The following ST6GALNAC3 variants were observed in gnomAD, a reference collection of about 807,000 sequenced individuals.
The protein encoded by ST6GALNAC3 is ST6 N-acetylgalactosaminide alpha-2,6-sialyltransferase 3.
Under a neutral mutation model 32.7 loss-of-function variants are expected in ST6GALNAC3, and 25 were observed. The observed-to-expected ratio is 0.76, with a 90% CI of 0.56 to 1.07. The LOEUF (loss-of-function observed/expected upper bound fraction) is 1.07, where lower values mean the gene tolerates loss of function less well. Among genes scored for constraint, ST6GALNAC3 ranks in the 50% least tolerant of loss-of-function variants. ST6GALNAC3 has a pLI of 0.00. For synonymous variants in ST6GALNAC3, 129 were observed against 133.1 expected (o/e 0.97, Z 0.21); for missense variants, 355 against 382.4 (o/e 0.93, Z 0.60).
At position 76,445,109 on chromosome 1, in the gene ST6GALNAC3, T is replaced by A. The variant is rs78498093; in HGVS notation, c.623+32692T>A. On this transcript the variant is annotated intron_variant, in intron 3 of 4. Transcript: ENST00000328299. ...TTCCATTAACATTTGTCAGTAGTTT[T>A]ATGACTTTGTGACAACTTCAGAGAC... 5.9e-3 allele frequency among the ~76,000 whole-genome samples: 892 copies of A among 152,314 alleles called. 10 individuals carry two copies. Among genetic ancestry groups the A allele is most frequent in the African/African-American group, 0.021 (866 of 41,584 alleles).
intron 1 of ST6GALNAC3, among the ~76,000 whole-genome samples, chr1:76,251,929 T>G (rs1190790399): frequency 6.6e-6 from 1 of 152,170 alleles, no homozygotes; most frequent in African/African-American, 2.4e-5. Context: ...TTTGCTGAAC[T>G]AATTATGATT....
At chr1:76,560,110 G>A (rs1160778170) in intron 3 of ST6GALNAC3, among the ~76,000 whole-genome samples, 1 of 152,106 alleles carries the variant, frequency 6.6e-6, no homozygotes, top group East Asian at 1.9e-4. Context: ...AATAAATGAT[G>A]CTGGGAAAAC....
At chr1:76,154,413 C>A (rs988815910) in intron 1 of ST6GALNAC3, among the ~76,000 whole-genome samples, 10 of 152,172 alleles carry the variant, frequency 6.6e-5, no homozygotes, top group African/African-American at 2.2e-4. Context: ...TGTGTCTCAG[C>A]TTCTACTTTC....
intron 1 of ST6GALNAC3, among the ~76,000 whole-genome samples, chr1:76,184,519 G>GCGCGCGCACACACA (rs1335590722): frequency 3.0e-5 from 4 of 134,104 alleles, no homozygotes; most frequent in African/African-American, 1.2e-4. Flanking sequence ...CTCCTGGGCA[G>GCGCGCGCACACACA]CACACACACA....
At chr1:76,258,673 T>A (rs905824677) in intron 1 of ST6GALNAC3, among the ~76,000 whole-genome samples, 2 of 152,102 alleles carry the variant, frequency 1.3e-5, no homozygotes, top group Admixed American at 1.3e-4. Flanking sequence ...TATAAGGGCC[T>A]GTGGAAGGGC....
chr1:76,342,552 G>GT (rs546991351), intron 2 of ST6GALNAC3, among the ~76,000 whole-genome samples: 359 of 147,804 alleles, frequency 2.4e-3, no homozygotes, highest in African/African-American at 8.1e-3. Context: ...ACTTTTTGAT[G>GT]TTTTTTTTTT....
At chr1:76,091,532 T>G (rs1647045980) in intron 1 of ST6GALNAC3, among the ~76,000 whole-genome samples, 1 of 152,248 alleles carries the variant, frequency 6.6e-6, no homozygotes, top group African/African-American at 2.4e-5. Context: ...GCTCCAAACC[T>G]TGAGCTAAGC....
At chr1:76,580,651 G>A (rs745532001) in intron 3 of ST6GALNAC3, among the ~76,000 whole-genome samples, 4 of 150,718 alleles carry the variant, frequency 2.7e-5, no homozygotes, top group Non-Finnish European at 5.9e-5. Context: ...TGTGTGGCTT[G>A]TGGTAGTCAC....
At chr1:76,382,058 A>T (rs1651753140) in intron 2 of ST6GALNAC3, among the ~76,000 whole-genome samples, 1 of 152,174 alleles carries the variant, frequency 6.6e-6, no homozygotes, top group Non-Finnish European at 1.5e-5. Flanking sequence ...CTCAATTGAG[A>T]ATCTGAAGAG....
At chr1:76,207,135 T>C (rs1010297958) in intron 1 of ST6GALNAC3, among the ~76,000 whole-genome samples, 1 of 152,220 alleles carries the variant, frequency 6.6e-6, no homozygotes, top group African/African-American at 2.4e-5. Context: ...TTGCACTATT[T>C]TTCTCATTTA....
intron 3 of ST6GALNAC3, among the ~76,000 whole-genome samples, chr1:76,438,853 G>A (rs976821322): frequency 3.3e-5 from 5 of 152,102 alleles, no homozygotes; most frequent in African/African-American, 1.2e-4. Context: ...GTACTGGACA[G>A]GATAGTTATT....
chr1:76,215,409 G>A (rs947426464), intron 1 of ST6GALNAC3, among the ~76,000 whole-genome samples: 1 of 152,168 alleles, frequency 6.6e-6, no homozygotes, highest in African/African-American at 2.4e-5. Context: ...CGCCTAGGAA[G>A]TTAAAAATGC....
chr1:76,095,028 T>G (rs1647106329), intron 1 of ST6GALNAC3, among the ~76,000 whole-genome samples: 1 of 152,178 alleles, frequency 6.6e-6, no homozygotes, highest in African/African-American at 2.4e-5. Context: ...GTATACCTAT[T>G]AGGTGATACG....
At chr1:76,547,394 GA>G (rs1218482824) in intron 3 of ST6GALNAC3, among the ~76,000 whole-genome samples, 1 of 152,296 alleles carries the variant, frequency 6.6e-6, no homozygotes, top group South Asian at 2.1e-4. Context: ...GAACAAAATA[GA>G]AACCTTTGTA....
intron 1 of ST6GALNAC3, among the ~76,000 whole-genome samples, chr1:76,101,392 T>C (rs2100775693): frequency 6.6e-6 from 1 of 152,308 alleles, no homozygotes; most frequent in Middle Eastern, 3.4e-3. Flanking sequence ...GTACCAGAAT[T>C]TGCTTATCCA....
At chr1:76,552,363 C>T (rs376998477) in intron 3 of ST6GALNAC3, among the ~76,000 whole-genome samples, 1 of 152,134 alleles carries the variant, frequency 6.6e-6, no homozygotes, top group East Asian at 1.9e-4. Context: ...AATTGGATGC[C>T]TCACTTCCCT....
intron 3 of ST6GALNAC3, among the ~76,000 whole-genome samples, chr1:76,422,682 C>T (rs1655104550): frequency 6.6e-6 from 1 of 151,944 alleles, no homozygotes; most frequent in South Asian, 2.1e-4. Context: ...AACAGAATTC[C>T]AGGCAATGTT....
intron 2 of ST6GALNAC3, among the ~76,000 whole-genome samples, chr1:76,325,575 A>T (rs1299071122): frequency 6.6e-6 from 1 of 151,298 alleles, no homozygotes; most frequent in Non-Finnish European, 1.5e-5. Flanking sequence ...AATAGTGTTT[A>T]ATGATATTTA....
intron 3 of ST6GALNAC3, among the ~76,000 whole-genome samples, chr1:76,576,504 G>C (rs1335840123): frequency 6.6e-6 from 1 of 152,032 alleles, no homozygotes; most frequent in African/African-American, 2.4e-5. Flanking sequence ...TGGCAGTCTA[G>C]TGCTATAGAA....
Sources: gnomAD v4.1 joint callset for allele counts (sites outside exome capture counted in the v4.1 genomes callset) on GRCh38, gnomAD v4.1.1 for gene constraint, MANE v1.5 for transcripts, NCBI Gene and HGNC (gene_info 2026-07-23, HGNC 2026-07-21) for gene names.